Variants in RDH13 observed in about 807,000 individuals in gnomAD.
RDH13 encodes retinol dehydrogenase 13 (all-trans and 9-cis).
Under a neutral mutation model 28.3 loss-of-function variants are expected in RDH13, and 35 were observed. That is an observed-to-expected ratio of 1.24 (90% confidence interval 0.95 to 1.64). The LOEUF (loss-of-function observed/expected upper bound fraction) is 1.64, where lower values mean the gene tolerates loss of function less well. Among genes scored for constraint, RDH13 ranks in the 40% most tolerant of loss-of-function variants. The pLI is 0.00. For synonymous variants in RDH13, 229 were observed against 198.5 expected (o/e 1.15, Z -1.29); for missense variants, 514 against 446.3 (o/e 1.15, Z -1.37).
chr19:55,063,870 A>G (rs1189277658), upstream of RDH13: 2 of 153,004 alleles, frequency 1.3e-5, no homozygotes, highest in African/African-American at 4.8e-5. Flanking sequence ...TTACCTGTCC[A>G]TGTTTGTCAC....
rs767888036 is a variant in RDH13, at chr19:55,048,457, T to C, written c.530A>G (p.His177Arg). The C allele has an allele frequency of 1.2e-5, 19 of 1,614,076 alleles. No individual in the cohort carries two copies. Among genetic ancestry groups the C allele is most frequent in the Admixed American group, 5.0e-5 (3 of 59,988 alleles). The change falls in exon 5 of 7, where the codon CAT becomes CGT. Residue 177 changes from histidine (H) to arginine (R), a missense_variant. Physicochemically the swap from His to Arg is conservative, Grantham distance 29. Coordinates refer to ENST00000415061, the MANE Select transcript of RDH13 (RefSeq NM_001145971.2). ...SRIINLSSLA[H>R]VAGHIDFDDL... Reference sequence around the variant, plus strand: ...GTCAAAGTCTATGTGCCCAGCAACATGGGCCAGGGACGAGAGGTTGATGAT... The same window carrying C: ...GTCAAAGTCTATGTGCCCAGCAACACGGGCCAGGGACGAGAGGTTGATGAT...
At chr19:55,067,140 C>T (rs1285306417), upstream of RDH13, 2 of 152,088 alleles carry the variant, frequency 1.3e-5, no homozygotes, top group African/African-American at 2.4e-5. Context: ...GGCTCAGTAA[C>T]TAGAAGGAAA....
At chr19:55,047,985 G>T in intron 5 of RDH13, 1 of 1,231,200 alleles carries the variant, frequency 8.1e-7, no homozygotes, top group Non-Finnish European at 1.1e-6. Flanking sequence ...AGCCAGCTGT[G>T]ATCACTGTGT....
At chr19:55,067,467 G>C (rs1234227962), upstream of RDH13, 1 of 152,298 alleles carries the variant, frequency 6.6e-6, no homozygotes, top group East Asian at 1.9e-4. Flanking sequence ...GAATGCATAT[G>C]AGAGATATTG....
At chr19:55,057,807 A>G (rs1394456109) in intron 2 of RDH13, among the ~76,000 whole-genome samples, 2 of 92,580 alleles carry the variant, frequency 2.2e-5, no homozygotes, top group Non-Finnish European at 4.6e-5. Flanking sequence ...CTTTTTGTTT[A>G]TTATTATTTT....
At chr19:55,051,726 C>G (rs2075443717) in intron 3 of RDH13, among the ~76,000 whole-genome samples, 1 of 150,554 alleles carries the variant, frequency 6.6e-6, no homozygotes. Flanking sequence ...CCGCGCCCAG[C>G]CTGTTTTTTT....
intron 2 of RDH13, among the ~76,000 whole-genome samples, chr19:55,058,369 CAA>C (rs894193919): frequency 1.3e-4 from 19 of 148,398 alleles, no homozygotes; most frequent in African/African-American, 4.7e-4. Flanking sequence ...GCCTGGGCGA[CAA>C]GAGCAAAACT....
chr19:55,059,068 G>T, intron 2 of RDH13, 89 bp downstream of exon 2: 1 of 827,770 alleles, frequency 1.2e-6, no homozygotes. Flanking sequence ...GGGTGCCTGG[G>T]TTCCTTCCAC....
At chr19:55,055,437 A>C (rs1170499212) in intron 3 of RDH13, among the ~76,000 whole-genome samples, 1 of 151,610 alleles carries the variant, frequency 6.6e-6, no homozygotes, top group Non-Finnish European at 1.5e-5. Context: ...AACAGGCGTG[A>C]GCCACTGTGC....
chr19:55,049,536 T>G (rs1055989922), intron 3 of RDH13, among the ~76,000 whole-genome samples: 2 of 152,096 alleles, frequency 1.3e-5, no homozygotes, highest in Non-Finnish European at 2.9e-5. Context: ...ACGCCTGTAA[T>G]CCCAGCACTT....
intron 2 of RDH13, among the ~76,000 whole-genome samples, chr19:55,058,802 T>A (rs1220380858): frequency 6.6e-6 from 1 of 152,152 alleles, no homozygotes; most frequent in Non-Finnish European, 1.5e-5. Flanking sequence ...TGCTTCAGCC[T>A]CCCAAGCAGC....
Position 55,046,245 on chromosome 19 carries a change from C to CAA in RDH13, c.761-938_761-937dup, listed in dbSNP as rs113661219. On this transcript the variant is annotated intron_variant, in intron 6 of 6. Coordinates refer to ENST00000415061, the MANE Select transcript of RDH13 (RefSeq NM_001145971.2). ...CTGGGTGACGAGCAAAACTCCGTCT[C>CAA]AAAAAAAAAAAGACATTTATTTATT... Among the ~76,000 whole-genome samples the CAA allele has an allele frequency of 7.7e-3, 1,070 of 139,208 alleles. 7 individuals are homozygous for CAA. Among genetic ancestry groups the CAA allele is most frequent in the Admixed American group, 0.012 (163 of 14,020 alleles). The allele number at this position is 139,208 out of a possible 152,430, so 91.3% of individuals were successfully genotyped here.
At chr19:55,065,221 C>CA (rs973462171), upstream of RDH13, among the ~76,000 whole-genome samples, 11 of 151,044 alleles carry the variant, frequency 7.3e-5, no homozygotes, top group African/African-American at 2.2e-4. Flanking sequence ...CTTATCTCTA[C>CA]AAAAAATACA....
At chr19:55,056,464 C>T (rs2365721) in intron 3 of RDH13, among the ~76,000 whole-genome samples, 189 bp downstream of exon 3, 89,812 of 142,218 alleles carry the variant, frequency 0.63, 27,327 homozygotes, top group East Asian at 0.92. Flanking sequence ...CTCAAAATAA[C>T]AGTAGTAATA....
At chr19:55,058,475 T>G (rs1178426172) in intron 2 of RDH13, among the ~76,000 whole-genome samples, 2 of 151,916 alleles carry the variant, frequency 1.3e-5, no homozygotes, top group Non-Finnish European at 2.9e-5. Flanking sequence ...CTTGCCAAAC[T>G]AAACTTCCGT....
intron 1 of RDH13, among the ~76,000 whole-genome samples, chr19:55,062,293 G>A (rs1419697606): frequency 6.6e-6 from 1 of 152,190 alleles, no homozygotes; most frequent in Admixed American, 6.5e-5. Flanking sequence ...TCCAGCAACA[G>A]GAGGCTGAGC....
rs1266102907 is a variant in RDH13, at chr19:55,044,512, TG to T, written c.*561del. On this transcript the variant is annotated 3_prime_UTR_variant, in exon 7 of 7. Transcript: ENST00000415061. ...CTGCACCTGCTCTCTGGCTGGGCTC[TG>T]GCACAGGAAGCCCTCAGCAAACACC... 1 of 152,432 alleles carries T rather than the reference TG, an allele frequency of 6.6e-6. No individual in the cohort carries two copies. The highest frequency in any genetic ancestry group is 1.5e-5 in the Non-Finnish European group (1 of 68,218). The allele number at this position is 152,432 out of a possible 1,614,324, so 9.4% of individuals were successfully genotyped here.
chr19:55,056,704 C>T lies in RDH13; in HGVS notation c.289G>A (p.Asp97Asn). The T allele has an allele frequency of 1.2e-6, 2 of 1,614,038 alleles. No homozygotes were observed. Among genetic ancestry groups the T allele is most frequent in the Non-Finnish European group, 1.7e-6 (2 of 1,179,998 alleles). Residue 97 changes from aspartate (D) to asparagine (N), a missense_variant, in exon 3 of 7, where the codon GAC becomes AAC. By Grantham distance (23) the Asp-to-Asn change is conservative. Transcript: ENST00000415061. ...CGGATAGACTTGAGGGAAGCCAAGT[C>T]CAGGTGCCGGGCGTTGACATGGTGA... ...LNHHVNARHL[D>N]LASLKSIREF...
At chr19:55,043,031 C>T (rs1671218), downstream of RDH13, 99,331 of 152,144 alleles carry the variant, frequency 0.65, 32,698 homozygotes, top group East Asian at 0.82. Context: ...GTGGTCGCAC[C>T]GTGGGGTCCA....
Sources: gnomAD v4.1 joint callset for allele counts (sites outside exome capture counted in the v4.1 genomes callset) on GRCh38, gnomAD v4.1.1 for gene constraint, MANE v1.5 for transcripts, NCBI Gene and HGNC (gene_info 2026-07-23, HGNC 2026-07-21) for gene names.